The following PHF3 variants were observed in gnomAD, a reference collection of about 807,000 sequenced individuals.
PHF3 encodes the protein PHD finger protein 3.
Under a neutral mutation model 178.4 loss-of-function variants are expected in PHF3, and 41 were observed. The ratio of observed to expected loss-of-function variants is 0.23; its 90% CI spans 0.18 to 0.30. The LOEUF is 0.30. Ranked by LOEUF, PHF3 falls within the 10% of genes least tolerant of loss-of-function variation. PHF3 has a pLI of 1.00. For missense variants in PHF3, 2,346 were observed against 2,398.1 expected, an observed-to-expected ratio of 0.98 and a Z score of 0.45; for synonymous variants, 842 against 800.5, an observed-to-expected ratio of 1.05 and a Z score of -0.88.
chr6:63,685,401 G>T lies in PHF3; in HGVS notation c.1679G>T (p.Ser560Ile), dbSNP rs367615513. ...ATTGATAAGGAGCCAAAGATTCAGA[G>T]TTGCAATTCTGGGGTTAAATCTGTG... The part of the protein sequence containing the change: ...KQIDKEPKIQ[S>I]CNSGVKSVKN... The change falls in exon 4 of 16, where the codon AGT (serine) becomes ATT (isoleucine). Residue 560 changes from serine to isoleucine, a missense_variant. Ser to Ile is a moderately radical substitution (Grantham distance 142). This residue lies in a region of PHF3 where 843 missense variants were observed against 795.2 expected (regional missense o/e 1.06). Transcript: ENST00000262043. The T allele has an allele frequency of 1.2e-6, 2 of 1,613,984 alleles. No homozygotes were observed. Among genetic ancestry groups the T allele is most frequent in the Non-Finnish European group, 1.7e-6 (2 of 1,180,010 alleles).
Position 63,715,702 on chromosome 6 carries a change from A to G in PHF3, c.*1994A>G, listed in dbSNP as rs985369962. Among the ~76,000 whole-genome samples the G allele has an allele frequency of 6.6e-6, 1 of 152,180 alleles. No homozygotes were observed. Among genetic ancestry groups the G allele is most frequent in the African/African-American group, 2.4e-5 (1 of 41,448 alleles). The stretch of plus-strand genomic sequence containing the variant: ...ATATAGCTTTCTATTAGGGATGAGC[A>G]TCTCCAGGGGTTAGAGGCAGATCTT... On this transcript the variant is annotated 3_prime_UTR_variant, in exon 16 of 16. Transcript: ENST00000262043.
At position 63,721,125 on chromosome 6, in the gene PHF3, T is replaced by A. The variant is rs1768366640; in HGVS notation, c.*7417T>A. On this transcript the variant is annotated 3_prime_UTR_variant, in exon 16 of 16. Coordinates refer to ENST00000262043, the MANE Select transcript of PHF3 (RefSeq NM_001370348.2). The stretch of plus-strand genomic sequence containing the variant: ...GAGGTTTCTCATTCTATAATTTGGA[T>A]CAATGTATTTAATGTAAGAATTACC... 1.3e-6 allele frequency: 2 copies of A among 1,551,442 alleles called. No individual in the cohort carries two copies. The highest frequency in any genetic ancestry group is 1.7e-6 in the Non-Finnish European group (2 of 1,146,752).
Position 63,712,573 on chromosome 6 carries a change from T to A in PHF3, c.4985T>A (p.Val1662Glu). ...PRQAAGRSQP[V>E]TTSESKDGDS... is the part of the protein sequence containing the mutation. ...CAAGCAGCAGGACGAAGTCAGCCTGTAACTACTTCAGAAAGCAAAGATGGA... is the reference window on the plus strand; with the variant it reads ...CAAGCAGCAGGACGAAGTCAGCCTGAAACTACTTCAGAAAGCAAAGATGGA... The change falls in exon 16 of 16, where the codon GTA (valine) becomes GAA (glutamate). Residue 1662 changes from valine to glutamate, a missense_variant. Val to Glu is a moderately radical substitution (Grantham distance 121, BLOSUM62 -2). Coordinates refer to ENST00000262043, the MANE Select transcript of PHF3 (RefSeq NM_001370348.2). 2 of 1,613,906 alleles carry A rather than the reference T, an allele frequency of 1.2e-6. No homozygotes were observed. The highest frequency in any genetic ancestry group is 1.7e-6 in the Non-Finnish European group (2 of 1,179,912).
chr6:63,685,504 T>C lies in PHF3; in HGVS notation c.1782T>C (p.His594=). 1.2e-6 allele frequency: 2 copies of C among 1,614,062 alleles called. No homozygotes were observed. The highest frequency in any genetic ancestry group is 1.3e-5 in the African/African-American group (1 of 75,012). Residue 594 remains histidine, a synonymous_variant, in exon 4 of 16, where the codon CAT becomes CAC. Transcript: ENST00000262043. ...TACAAATTTTCAAGCCCTTAACTCATTCTTTGAGTGATAAGTCACACGCTC... is the reference window on the plus strand; with the variant it reads ...TACAAATTTTCAAGCCCTTAACTCACTCTTTGAGTGATAAGTCACACGCTC... The part of the protein sequence containing the change: ...TLVQIFKPLT[H]SLSDKSHAHP...
At chr6:63,689,679 A>G (rs181860729) in intron 4 of PHF3, among the ~76,000 whole-genome samples, 2 of 152,280 alleles carry the variant, frequency 1.3e-5, no homozygotes, top group Admixed American at 6.5e-5. Flanking sequence ...GACATTTCCA[A>G]CTTGAAATGA....
intron 2 of PHF3, among the ~76,000 whole-genome samples, chr6:63,650,295 C>T (rs1193524012): frequency 6.6e-6 from 1 of 152,126 alleles, no homozygotes; most frequent in Admixed American, 6.5e-5. Flanking sequence ...CTAGCAAAAT[C>T]ATCATTCACT....
In PHF3 at chr6:63,712,260, C is replaced by T. The variant is rs777292330; in HGVS notation, c.4672C>T (p.Leu1558Phe). Residue 1558 changes from leucine to phenylalanine, a missense_variant, in exon 16 of 16, where the codon CTT becomes TTT. Around this residue, in one of 8 missense-constraint regions of PHF3, gnomAD observed 839 missense variants for 806.9 expected, o/e 1.04. Coordinates refer to ENST00000262043, the MANE Select transcript of PHF3 (RefSeq NM_001370348.2). ...SSISAGSLTS[L>F]SLRGKPPDVS... ...CATTTCTGCAGGGTCTTTGACGAGT[C>T]TTAGTCTCAGAGGTAAGCCACCAGA... 6.2e-7 allele frequency: 1 copy of T among 1,613,914 alleles called. No individual in the cohort carries two copies. The highest frequency in any genetic ancestry group is 2.2e-5 in the East Asian group (1 of 44,862).
chr6:63,691,076 T>C (rs1020799678), intron 4 of PHF3, among the ~76,000 whole-genome samples: 13 of 152,140 alleles, frequency 8.5e-5, no homozygotes, highest in Non-Finnish European at 1.8e-4. Flanking sequence ...CACATGGTCA[T>C]TAGTAAGGAA....
intron 14 of PHF3, among the ~76,000 whole-genome samples, chr6:63,710,266 C>A (rs1372091034): frequency 6.6e-6 from 1 of 152,186 alleles, no homozygotes; most frequent in Non-Finnish European, 1.5e-5. Flanking sequence ...TGAATCCACA[C>A]ATATATTACT....
At position 63,684,465 on chromosome 6, in the gene PHF3, T is replaced by C. The variant is rs777077465; in HGVS notation, c.743T>C (p.Val248Ala). ...HKCNNPGEID[V>A]PSHELNCSLL... ...TGTAATAATCCGGGAGAAATAGATG[T>C]GCCATCTCATGAATTAAATTGTTCA... Residue 248 changes from valine (V) to alanine (A), a missense_variant, in exon 4 of 16, where the codon GTG (valine) becomes GCG (alanine). Val to Ala is a moderately conservative substitution (Grantham distance 64). This residue lies in a region of PHF3 where 843 missense variants were observed against 795.2 expected (regional missense o/e 1.06). Coordinates refer to ENST00000262043, the MANE Select transcript of PHF3 (RefSeq NM_001370348.2). The C allele has an allele frequency of 2.5e-6, 4 of 1,613,478 alleles. No homozygotes were observed. In the South Asian group the frequency reaches 4.4e-5, roughly 18 times the overall value.
intron 4 of PHF3, among the ~76,000 whole-genome samples, chr6:63,688,625 G>A (rs560824963): frequency 1.3e-5 from 2 of 151,910 alleles, no homozygotes; most frequent in Non-Finnish European, 2.9e-5. Context: ...ACAAGCCATG[G>A]CGCCCAGCTG....
In PHF3 at chr6:63,635,943, A is replaced by C. The variant is rs1764309747; in HGVS notation, c.-233A>C. On this transcript the variant is annotated 5_prime_UTR_variant, in exon 1 of 16. Transcript: ENST00000262043. Reference sequence around the variant, plus strand: ...GGCGGCGGCGGCTGCAACGAGGATTAGGAGGGCGGCGCGGAAGCCAAGAAT... The same window carrying C: ...GGCGGCGGCGGCTGCAACGAGGATTCGGAGGGCGGCGCGGAAGCCAAGAAT... 2.5e-6 allele frequency: 1 copy of C among 397,710 alleles called. No homozygotes were observed. 24.6% of individuals were successfully genotyped at this position (397,710 alleles called of 1,614,324 possible).
At chr6:63,682,440 T>C (rs1766479753) in intron 3 of PHF3, among the ~76,000 whole-genome samples, 1 of 152,154 alleles carries the variant, frequency 6.6e-6, no homozygotes, top group South Asian at 2.1e-4. Context: ...TTTCCAAAAT[T>C]TGCTGCTGGT....
chr6:63,673,701 T>C (rs1456477148), intron 2 of PHF3, among the ~76,000 whole-genome samples: 1 of 152,168 alleles, frequency 6.6e-6, no homozygotes, highest in Non-Finnish European at 1.5e-5. Flanking sequence ...CGCCTGAGAC[T>C]GGAATGCCTC....
At chr6:63,698,656 A>G in intron 8 of PHF3, 51 bp downstream of exon 8, 3 of 1,282,186 alleles carry the variant, frequency 2.3e-6, no homozygotes, top group South Asian at 3.2e-5. Context: ...CTGAGTACAT[A>G]GGTATCTCAG....
chr6:63,637,319 T>C (rs1327006239), intron 1 of PHF3, among the ~76,000 whole-genome samples: 1 of 152,218 alleles, frequency 6.6e-6, no homozygotes, highest in African/African-American at 2.4e-5. Flanking sequence ...GTTAAAGGCC[T>C]AACAAAACTA....
At position 63,652,603 on chromosome 6, in the gene PHF3, T is replaced by A. The variant is rs1021628358; in HGVS notation, c.244+5808T>A. 5.3e-5 allele frequency among the ~76,000 whole-genome samples: 8 copies of A among 152,118 alleles called. No individual in the cohort carries two copies. In the South Asian group the frequency reaches 1.7e-3, roughly 31 times the overall value. On this transcript the variant is annotated intron_variant, in intron 2 of 15. Transcript: ENST00000262043. ...GTGCTTTTGAGGTCTCCATAAAATT[T>A]TTGCACAGACCAATGTCCTAAAGCA...
Position 63,719,945 on chromosome 6 carries a change from T to A in PHF3, c.*6237T>A, listed in dbSNP as rs370595410. On this transcript the variant is annotated 3_prime_UTR_variant, in exon 16 of 16. Transcript: ENST00000262043. Reference sequence around the variant, plus strand: ...GATATGCATATGCTATGTTTTAAGTTGCACATATTGTAATATCTATTGATG... The same window carrying A: ...GATATGCATATGCTATGTTTTAAGTAGCACATATTGTAATATCTATTGATG... 6.6e-6 allele frequency: 1 copy of A among 152,088 alleles called. No individual in the cohort carries two copies. Among genetic ancestry groups the A allele is most frequent in the East Asian group, 1.9e-4 (1 of 5,200 alleles). The allele number at this position is 152,088 out of a possible 1,614,324, so 9.4% of individuals were successfully genotyped here. A position where few individuals can be genotyped will look rare whatever the true frequency, so the allele number is the denominator to read the frequency against.
At chr6:63,641,856 A>G (rs530985924) in intron 1 of PHF3, among the ~76,000 whole-genome samples, 1 of 152,010 alleles carries the variant, frequency 6.6e-6, no homozygotes, top group East Asian at 1.9e-4. Flanking sequence ...TCGAACTCCT[A>G]ACCTCAGGTG....
Sources: gnomAD v4.1 joint callset for allele counts (sites outside exome capture counted in the v4.1 genomes callset) on GRCh38, gnomAD v4.1.1 for gene constraint, gnomAD v4.1.1 regional missense constraint, MANE v1.5 for transcripts, NCBI Gene and HGNC (gene_info 2026-07-23, HGNC 2026-07-21) for gene names.